Variants in MYPN observed in about 807,000 individuals in gnomAD.
MYPN encodes sarcomeric protein myopalladin, 145 kDa (MYOP).
Under a neutral mutation model 129.4 loss-of-function variants are expected in MYPN, and 63 were observed. The observed-to-expected ratio is 0.49, with a 90% CI of 0.40 to 0.60. The LOEUF is 0.60. Among genes scored for constraint, MYPN ranks in the 20% least tolerant of loss-of-function variants. MYPN has a pLI of 0.00. For missense variants in MYPN, 1,596 were observed against 1,635.4 expected (o/e 0.98, Z 0.42); for synonymous variants, 629 against 600.9 (o/e 1.05, Z -0.68).
At chr10:68,167,968 C>T (rs1350940450) in intron 10 of MYPN, among the ~76,000 whole-genome samples, 1 of 152,194 alleles carries the variant, frequency 6.6e-6, no homozygotes, top group African/African-American at 2.4e-5. Context: ...ACCTGTCACT[C>T]AGGATCACAG....
chr10:68,197,262 T>A, intron 15 of MYPN, 90 bp from the exon 16 acceptor site: 1 of 1,494,808 alleles, frequency 6.7e-7, no homozygotes, highest in Non-Finnish European at 9.2e-7. Context: ...AAATCTGTTC[T>A]CTAGGTCTGT....
intron 2 of MYPN, among the ~76,000 whole-genome samples, chr10:68,130,122 T>C (rs1456220578): frequency 1.3e-5 from 2 of 152,232 alleles, no homozygotes; most frequent in Non-Finnish European, 2.9e-5. Flanking sequence ...CATTTTTCTA[T>C]TGGATTTTTT....
rs773665854 is a variant in MYPN, at chr10:68,158,613, G to T, written c.1445G>T (p.Arg482Met). ...GTLIEDSPDFRILQKKPRSMA... is the reference protein window; with the variant it reads ...GTLIEDSPDFMILQKKPRSMA... ...TTAATAGAAGATTCTCCAGATTTTA[G>T]GATTTTACAGAAAAGTAAGTTAATA... Residue 482 changes from arginine to methionine, a missense_variant, in exon 7 of 20, where the codon AGG becomes ATG. Coordinates refer to ENST00000358913, the MANE Select transcript of MYPN (RefSeq NM_032578.4). 7 of 1,594,104 alleles carry T rather than the reference G, an allele frequency of 4.4e-6. No homozygotes were observed. The highest frequency in any genetic ancestry group is 6.0e-6 in the Non-Finnish European group (7 of 1,162,658).
upstream of MYPN, among the ~76,000 whole-genome samples, chr10:68,108,542 A>G (rs1482035042): frequency 6.6e-6 from 1 of 152,164 alleles, no homozygotes; most frequent in Non-Finnish European, 1.5e-5. Context: ...CTAGATTTAA[A>G]CCAATGTGTT....
chr10:68,120,344 T>G (rs914964736), intron 1 of MYPN, among the ~76,000 whole-genome samples: 1 of 152,236 alleles, frequency 6.6e-6, no homozygotes, highest in Admixed American at 6.5e-5. Flanking sequence ...TTAAAAATAT[T>G]TATTTTTTGA....
At chr10:68,203,557 C>A (rs1296473091) in intron 18 of MYPN, among the ~76,000 whole-genome samples, 1 of 152,028 alleles carries the variant, frequency 6.6e-6, no homozygotes, top group African/African-American at 2.4e-5. Flanking sequence ...CCATTGTACT[C>A]CAGCCTGGGG....
chr10:68,187,820 G>T (rs145823395), intron 12 of MYPN, among the ~76,000 whole-genome samples: 2 of 152,246 alleles, frequency 1.3e-5, no homozygotes, highest in African/African-American at 4.8e-5. Flanking sequence ...GGTGTGTCAC[G>T]GAAGGAAATG....
At chr10:68,185,746 G>A (rs2043410292) in intron 12 of MYPN, among the ~76,000 whole-genome samples, 1 of 151,960 alleles carries the variant, frequency 6.6e-6, no homozygotes, top group African/African-American at 2.4e-5. Flanking sequence ...AAACATCCTG[G>A]AAAATAAACC....
Position 68,210,619 on chromosome 10 carries a change from C to T in MYPN, c.*164C>T. Reference sequence around the variant, plus strand: ...AGTCAGCTAGGGATTCTTGCAGTCTCAGCTGAGGGAGAAAGGTAGGGCTGT... The same window carrying T: ...AGTCAGCTAGGGATTCTTGCAGTCTTAGCTGAGGGAGAAAGGTAGGGCTGT... On this transcript the variant is annotated 3_prime_UTR_variant, in exon 20 of 20. Coordinates refer to ENST00000358913, the MANE Select transcript of MYPN (RefSeq NM_032578.4). The T allele has an allele frequency of 1.3e-6, 1 of 787,628 alleles. No individual in the cohort carries two copies. Among genetic ancestry groups the T allele is most frequent in the Non-Finnish European group, 2.2e-6 (1 of 458,232 alleles). 48.8% of individuals were successfully genotyped at this position (787,628 alleles called of 1,614,324 possible).
chr10:68,167,097 G>A (rs1484099847), intron 10 of MYPN, among the ~76,000 whole-genome samples: 1 of 152,110 alleles, frequency 6.6e-6, no homozygotes, highest in Non-Finnish European at 1.5e-5. Flanking sequence ...CACATTAAAT[G>A]TTTTGCCAAA....
chr10:68,100,883 C>A (rs1484994247), intron 1 of MYPN, among the ~76,000 whole-genome samples: 4 of 151,694 alleles, frequency 2.6e-5, no homozygotes, highest in Non-Finnish European at 4.4e-5. Context: ...TGATTTAATT[C>A]TTAATAGTAT....
At chr10:68,193,177 G>A (rs2043543766) in intron 13 of MYPN, among the ~76,000 whole-genome samples, 1 of 151,176 alleles carries the variant, frequency 6.6e-6, no homozygotes, top group African/African-American at 2.4e-5. Context: ...TTCCCTCTTA[G>A]TAAGAAAGTC....
chr10:68,118,983 T>G (rs2042200074), intron 1 of MYPN, among the ~76,000 whole-genome samples: 1 of 152,090 alleles, frequency 6.6e-6, no homozygotes, highest in Admixed American at 6.6e-5. Context: ...AAAGCCATCC[T>G]GATTTATAAG....
chr10:68,168,551 G>A (rs1361131248), intron 10 of MYPN, among the ~76,000 whole-genome samples: 1 of 152,150 alleles, frequency 6.6e-6, no homozygotes, highest in Non-Finnish European at 1.5e-5. Context: ...GGTTTTATGC[G>A]TTTCAGGAAG....
At chr10:68,182,415 A>AAC (rs200194057) in intron 12 of MYPN, among the ~76,000 whole-genome samples, 1,863 of 58,152 alleles carry the variant, frequency 0.032, 96 homozygotes, top group African/African-American at 0.063. Flanking sequence ...ACATATATAT[A>AAC]ACATATATAT....
chr10:68,168,415 G>GA (rs1203505173), intron 10 of MYPN, among the ~76,000 whole-genome samples: 1 of 151,848 alleles, frequency 6.6e-6, no homozygotes, highest in East Asian at 1.9e-4. Flanking sequence ...TATGATGATG[G>GA]AAAAAAAATT....
intron 17 of MYPN, among the ~76,000 whole-genome samples, chr10:68,200,080 C>T (rs4746738): frequency 0.58 from 88,144 of 152,032 alleles, 27,544 homozygotes; most frequent in Non-Finnish European, 0.69. Flanking sequence ...AGCCTAACAA[C>T]CGTAAAGTGT....
intron 5 of MYPN, 29 bp downstream of exon 5, chr10:68,148,496 C>A: frequency 6.4e-7 from 1 of 1,554,552 alleles, no homozygotes; most frequent in Non-Finnish European, 8.9e-7. Context: ...AACACAAGTG[C>A]CATCCACTGT....
At chr10:68,206,988 T>C in intron 19 of MYPN, 85 bp downstream of exon 19, 1 of 1,531,608 alleles carries the variant, frequency 6.5e-7, no homozygotes, top group South Asian at 1.2e-5. Context: ...TCAGGCAAGG[T>C]GGCTCATGCC....
Sources: allele counts gnomAD v4.1 joint callset (sites outside exome capture counted in the v4.1 genomes callset), GRCh38; gene constraint gnomAD v4.1.1; transcripts MANE v1.5; gene names NCBI Gene and HGNC (gene_info 2026-07-23, HGNC 2026-07-21).